PCDHGA1: variants seen among roughly 807,000 people sequenced by gnomAD.
PCDHGA1 encodes protocadherin gamma-A1.
In PCDHGA1, 32 loss-of-function variants were observed where a neutral mutation model predicts 58.0. The ratio of observed to expected loss-of-function variants is 0.55; its 90% CI spans 0.42 to 0.74. PCDHGA1 has a LOEUF of 0.74. Among genes scored for constraint, PCDHGA1 ranks in the 30% least tolerant of loss-of-function variants. The pLI, the probability that PCDHGA1 is intolerant of heterozygous loss-of-function variation, is 0.00. For missense variants in PCDHGA1, 1,205 were observed against 1,182.3 expected (o/e 1.02, Z -0.28); for synonymous variants, 498 against 501.1 (o/e 0.99, Z 0.08).
intron 2 of PCDHGA1, among the ~76,000 whole-genome samples, chr5:141,497,541 T>A (rs1157403777): frequency 1.1e-5 from 1 of 89,566 alleles, no homozygotes; most frequent in Admixed American, 1.2e-4. Context: ...GCAACAAACC[T>A]TTTTTTTTTT....
chr5:141,362,274 GC>G, intron 1 of PCDHGA1: 1 of 1,614,018 alleles, frequency 6.2e-7, no homozygotes. Context: ...CAATCTCCCT[GC>G]GCCTGCGACT....
chr5:141,351,886 G>A (rs377208230), intron 1 of PCDHGA1: 35 of 1,613,292 alleles, frequency 2.2e-5, no homozygotes, highest in Admixed American at 3.3e-5. Context: ...GCGCCAACGT[G>A]AGCCTGCGCG....
At chr5:141,475,803 G>T in intron 1 of PCDHGA1, 1 of 319,920 alleles carries the variant, frequency 3.1e-6, no homozygotes, top group Non-Finnish European at 5.7e-6. Flanking sequence ...GAAGCCAAAG[G>T]AAAGTGAAGT....
chr5:141,482,530 C>CAAAAAAAAAAA (rs3074545), intron 1 of PCDHGA1, among the ~76,000 whole-genome samples: 21 of 76,546 alleles, frequency 2.7e-4, no homozygotes, highest in African/African-American at 4.8e-4. Context: ...GACAGACATG[C>CAAAAAAAAAAA]AAAAAAAAAA....
rs368792885 is a variant in PCDHGA1, at chr5:141,394,552, G to A, written c.2421+61447G>A. 7.4e-5 allele frequency: 119 copies of A among 1,613,952 alleles called. No homozygotes were observed. Among genetic ancestry groups the A allele is most frequent in the Admixed American group, 8.3e-5 (5 of 60,012 alleles). On this transcript the variant is annotated intron_variant, in intron 1 of 3. Transcript: ENST00000517417. ...TCCACTGGCGTGGAGCTGGCGCCCCGCTCCGCAGAGCGTGGCTACCTGGTG... is the reference window on the plus strand; with the variant it reads ...TCCACTGGCGTGGAGCTGGCGCCCCACTCCGCAGAGCGTGGCTACCTGGTG...
chr5:141,387,244 C>T (rs1267995802), intron 1 of PCDHGA1, among the ~76,000 whole-genome samples: 2 of 152,024 alleles, frequency 1.3e-5, no homozygotes, highest in South Asian at 2.1e-4. Context: ...CTTGGAGGTA[C>T]TTAGAAAAGT....
chr5:141,387,336 C>T (rs1351788377), intron 1 of PCDHGA1, among the ~76,000 whole-genome samples: 4 of 152,122 alleles, frequency 2.6e-5, no homozygotes, highest in African/African-American at 7.2e-5. Flanking sequence ...AATTACTGTA[C>T]TCTGAGACGG....
Position 141,505,475 on chromosome 5 carries a change from G to A in PCDHGA1, c.2563G>A (p.Ala855Thr), listed in dbSNP as rs769108315. The A allele has an allele frequency of 2.2e-5, 35 of 1,614,098 alleles. No homozygotes were observed. Among genetic ancestry groups the A allele is most frequent in the South Asian group, 5.5e-5 (5 of 91,090 alleles). ...GCTGCAAGCCATGATCTTGGCGTCC[G>A]CCAGTGGTAAGTGGTGTCAGTGTGT... ...EMLQAMILAS[A>T]SEAADGSSTL... The change falls in exon 3 of 4, where the codon GCC becomes ACC. Residue 855 changes from alanine to threonine, a missense_variant. Physicochemically the swap from Ala to Thr is moderately conservative, Grantham distance 58. Transcript: ENST00000517417.
intron 1 of PCDHGA1, among the ~76,000 whole-genome samples, chr5:141,465,090 A>G (rs566511602): frequency 6.7e-6 from 1 of 149,576 alleles, no homozygotes; most frequent in Admixed American, 6.7e-5. Flanking sequence ...TCATTTTTCT[A>G]GTAGTTTTTT....
chr5:141,478,017 T>C lies in PCDHGA1; in HGVS notation c.2422-16790T>C, dbSNP rs776415195. ...GGTCAAATCAGTACTGCCCGTCCAG[T>C]CCAAGACACAGATTCACCCAGGCAG... On this transcript the variant is annotated intron_variant, in intron 1 of 3. Transcript: ENST00000517417. 15 of 1,613,910 alleles carry C rather than the reference T, an allele frequency of 9.3e-6. No homozygotes were observed. In the African/African-American group the frequency reaches 1.9e-4, roughly 20 times the overall value.
At chr5:141,347,206 T>G (rs769485722) in intron 1 of PCDHGA1, among the ~76,000 whole-genome samples, 8 of 129,568 alleles carry the variant, frequency 6.2e-5, no homozygotes, top group Non-Finnish European at 1.1e-4. Context: ...CTGTCTGGAG[T>G]GCAGTGGCAT....
chr5:141,434,506 T>C (rs2154556236), intron 1 of PCDHGA1, among the ~76,000 whole-genome samples: 2 of 152,344 alleles, frequency 1.3e-5, no homozygotes, highest in East Asian at 3.9e-4. Context: ...GGCAGAAAAC[T>C]GCTTAAAGGT....
intron 1 of PCDHGA1, among the ~76,000 whole-genome samples, chr5:141,474,234 T>C (rs1458919904): frequency 6.6e-6 from 1 of 152,204 alleles, no homozygotes; most frequent in Non-Finnish European, 1.5e-5. Flanking sequence ...TAAGTGATGC[T>C]GAATAGGGGA....
chr5:141,479,333 G>A (rs2154577502), intron 1 of PCDHGA1: 1 of 152,652 alleles, frequency 6.6e-6, no homozygotes, highest in East Asian at 1.9e-4. Context: ...TCAGTGGTGT[G>A]CACCTGTAGT....
At position 141,390,017 on chromosome 5, in the gene PCDHGA1, G is replaced by C. The variant is rs2092015490; in HGVS notation, c.2421+56912G>C. Reference sequence around the variant, plus strand: ...TGGCCATGATTCTGGCCATTGCCTTGCGCCTGCGACGCTCCTCCAGCCCCG... The same window carrying C: ...TGGCCATGATTCTGGCCATTGCCTTCCGCCTGCGACGCTCCTCCAGCCCCG... On this transcript the variant is annotated intron_variant, in intron 1 of 3. Transcript: ENST00000517417. 1.9e-6 allele frequency: 3 copies of C among 1,613,898 alleles called. No homozygotes were observed. The South Asian group carries it at 3.3e-5, about 18-fold the overall frequency.
At chr5:141,366,879 T>G (rs78336776) in intron 1 of PCDHGA1, 22 of 1,324,822 alleles carry the variant, frequency 1.7e-5, no homozygotes, top group Admixed American at 2.5e-5. Context: ...TGGAGATTAA[T>G]TTTTTTTATA....
intron 1 of PCDHGA1, chr5:141,428,158 G>C (rs776350833): frequency 3.8e-6 from 6 of 1,577,610 alleles, no homozygotes; most frequent in Non-Finnish European, 5.2e-6. Context: ...GGAACCTGCT[G>C]GTTGCTGTGC....
intron 1 of PCDHGA1, among the ~76,000 whole-genome samples, chr5:141,492,622 C>A (rs2099742615): frequency 6.6e-6 from 1 of 152,218 alleles, no homozygotes; most frequent in South Asian, 2.1e-4. Flanking sequence ...GCCGGGCGGG[C>A]AGGACTCTAC....
chr5:141,444,470 C>T (rs1275997551), intron 1 of PCDHGA1, among the ~76,000 whole-genome samples: 2 of 152,058 alleles, frequency 1.3e-5, no homozygotes, highest in African/African-American at 2.4e-5. Flanking sequence ...TGCGCCCGGT[C>T]GCGTACTGGA....
Sources: allele counts gnomAD v4.1 joint callset (sites outside exome capture counted in the v4.1 genomes callset), GRCh38; gene constraint gnomAD v4.1.1; transcripts MANE v1.5; gene names NCBI Gene and HGNC (gene_info 2026-07-23, HGNC 2026-07-21).